The following RNF150 variants were observed in gnomAD, a reference collection of about 807,000 sequenced individuals.
The protein encoded by RNF150 is ring finger protein 150.
In RNF150, 24 loss-of-function variants were observed where a neutral mutation model predicts 39.3. The observed-to-expected ratio is 0.61, with a 90% CI of 0.44 to 0.86. The LOEUF is 0.86. Ranked by LOEUF, RNF150 falls within the 40% of genes least tolerant of loss-of-function variation. RNF150 has a pLI of 0.00. For missense variants in RNF150, 502 were observed against 587.8 expected (o/e 0.85, Z 1.51); for synonymous variants, 255 against 227.3 (o/e 1.12, Z -1.10).
At chr4:141,051,517 C>T (rs1387190089) in intron 1 of RNF150, among the ~76,000 whole-genome samples, 1 of 152,182 alleles carries the variant, frequency 6.6e-6, no homozygotes. Context: ...GAAATTTCTT[C>T]TGCCAGATAC....
intron 4 of RNF150, among the ~76,000 whole-genome samples, chr4:140,931,608 T>C (rs149546517): frequency 6.6e-6 from 1 of 152,300 alleles, no homozygotes; most frequent in African/African-American, 2.4e-5. Flanking sequence ...TAGCAGTGAA[T>C]CTTCCCATGG....
chr4:141,123,569 T>C (rs552684936), intron 1 of RNF150, among the ~76,000 whole-genome samples: 1 of 152,212 alleles, frequency 6.6e-6, no homozygotes, highest in African/African-American at 2.4e-5. Context: ...TTTTTTATTA[T>C]ACTTTAAGTT....
chr4:141,080,957 G>A (rs1261947484), intron 1 of RNF150, among the ~76,000 whole-genome samples: 1 of 152,146 alleles, frequency 6.6e-6, no homozygotes, highest in Non-Finnish European at 1.5e-5. Context: ...CTGCAGGTAC[G>A]GCTCTGGGTG....
At chr4:140,960,441 T>C (rs1362552019) in intron 2 of RNF150, among the ~76,000 whole-genome samples, 1 of 152,158 alleles carries the variant, frequency 6.6e-6, no homozygotes, top group Admixed American at 6.6e-5. Flanking sequence ...GAAACACTTT[T>C]CAACCATACC....
At chr4:141,189,035 C>T (rs1378084696) in intron 1 of RNF150, among the ~76,000 whole-genome samples, 6 of 152,174 alleles carry the variant, frequency 3.9e-5, no homozygotes, top group Non-Finnish European at 5.9e-5. Context: ...CTTTGATCTT[C>T]GATGCTTACG....
chr4:141,123,626 T>C (rs1319812676), intron 1 of RNF150, among the ~76,000 whole-genome samples: 1 of 152,222 alleles, frequency 6.6e-6, no homozygotes, highest in African/African-American at 2.4e-5. Context: ...TATGTATACA[T>C]GTGCCATGTT....
chr4:140,920,114 G>A (rs1731045409), intron 5 of RNF150, among the ~76,000 whole-genome samples: 3 of 150,046 alleles, frequency 2.0e-5, no homozygotes, highest in South Asian at 4.4e-4. Flanking sequence ...TACCATTCAG[G>A]ACATAGGCAT....
intron 1 of RNF150, among the ~76,000 whole-genome samples, chr4:141,188,104 GAAGTT>G (rs1728044742): frequency 6.6e-6 from 1 of 152,200 alleles, no homozygotes; most frequent in South Asian, 2.1e-4. Flanking sequence ...TTTTGCTTAT[GAAGTT>G]TAGTTTGGCT....
intron 1 of RNF150, among the ~76,000 whole-genome samples, chr4:141,069,792 A>G (rs1380169359): frequency 6.6e-6 from 1 of 151,758 alleles, no homozygotes; most frequent in East Asian, 1.9e-4. Context: ...GTCTTGGGAG[A>G]CTGTATGTGT....
chr4:140,971,932 T>G (rs183948023), intron 1 of RNF150, among the ~76,000 whole-genome samples: 2 of 152,154 alleles, frequency 1.3e-5, no homozygotes, highest in African/African-American at 2.4e-5. Flanking sequence ...TGGGTTTGTT[T>G]GATCAAAAAT....
intron 1 of RNF150, among the ~76,000 whole-genome samples, chr4:141,107,886 T>C (rs1488608926): frequency 6.6e-6 from 1 of 152,202 alleles, no homozygotes; most frequent in Non-Finnish European, 1.5e-5. Context: ...TGTCATTACA[T>C]TGGGCTGAGA....
chr4:140,967,013 A>T (rs1186112062), intron 2 of RNF150, among the ~76,000 whole-genome samples: 4 of 152,160 alleles, frequency 2.6e-5, no homozygotes, highest in African/African-American at 4.8e-5. Context: ...ATGTAAATTA[A>T]TCTGCAAGAT....
chr4:140,946,034 A>C (rs1229425618), intron 4 of RNF150, among the ~76,000 whole-genome samples: 1 of 152,352 alleles, frequency 6.6e-6, no homozygotes, highest in Non-Finnish European at 1.5e-5. Context: ...CACTAAGTGT[A>C]TGTAATAACT....
intron 5 of RNF150, among the ~76,000 whole-genome samples, chr4:140,912,018 C>A (rs1403383351): frequency 2.6e-5 from 4 of 152,164 alleles, no homozygotes; most frequent in African/African-American, 9.7e-5. Flanking sequence ...TGGTGAGACC[C>A]CCTTGTTCAA....
chr4:141,123,212 T>C (rs1726659770), intron 1 of RNF150, among the ~76,000 whole-genome samples: 1 of 152,252 alleles, frequency 6.6e-6, no homozygotes, highest in Non-Finnish European at 1.5e-5. Context: ...CAATAGGTAC[T>C]GAGCACTTTC....
At chr4:141,199,952 A>G in intron 1 of RNF150, among the ~76,000 whole-genome samples, 2 of 152,316 alleles carry the variant, frequency 1.3e-5, no homozygotes, top group East Asian at 1.9e-4. Flanking sequence ...TGGACTTTTT[A>G]GTTATACATA....
chr4:141,192,051 C>A (rs939147915), intron 1 of RNF150, among the ~76,000 whole-genome samples: 1 of 152,176 alleles, frequency 6.6e-6, no homozygotes, highest in Non-Finnish European at 1.5e-5. Flanking sequence ...TCAAGATTTA[C>A]CCAACATTAT....
At chr4:141,128,254 A>G (rs10001083) in intron 1 of RNF150, among the ~76,000 whole-genome samples, 6,090 of 152,290 alleles carry the variant, frequency 0.04, 410 homozygotes, top group African/African-American at 0.14. Context: ...AGATTTAAAC[A>G]CTGTACATGC....
intron 1 of RNF150, among the ~76,000 whole-genome samples, chr4:141,140,350 G>T (rs1391915785): frequency 6.6e-6 from 1 of 151,692 alleles, no homozygotes; most frequent in Non-Finnish European, 1.5e-5. Context: ...TTTAATTTGG[G>T]CTTCTTTCCT....
Sources: gnomAD v4.1 joint callset for allele counts (sites outside exome capture counted in the v4.1 genomes callset) on GRCh38, gnomAD v4.1.1 for gene constraint, MANE v1.5 for transcripts, NCBI Gene and HGNC (gene_info 2026-07-23, HGNC 2026-07-21) for gene names.